The following LCORL variants were observed in gnomAD, a reference collection of about 807,000 sequenced individuals.
The protein encoded by LCORL is ligand dependent nuclear receptor corepressor like, also known as ligand-dependent nuclear receptor corepressor-like protein.
A neutral mutation model predicts 141.8 loss-of-function variants in LCORL; 41 were observed. The ratio of observed to expected loss-of-function variants is 0.29; its 90% CI spans 0.23 to 0.38. The LOEUF is 0.38. LCORL is among the 10% of genes least tolerant of loss of function. The pLI is 1.00. For synonymous variants in LCORL, 618 were observed against 694.1 expected (o/e 0.89, Z 1.72); for missense variants, 1,759 against 2,035.0 (o/e 0.86, Z 2.61).
intron 1 of LCORL, among the ~76,000 whole-genome samples, chr4:18,007,254 CCTGT>C (rs1215727503): frequency 6.6e-6 from 1 of 152,054 alleles, no homozygotes; most frequent in African/African-American, 2.4e-5. Flanking sequence ...AAATATAGTT[CCTGT>C]CTTATAAGAC....
rs186626951 is a variant in LCORL at position 18,004,904 on chromosome 4, G to A, written c.154+16694C>T. ...GGGGCTACAGGCCCCATGCAAATCCGAAATCCAGCAGGGCAGTCAAAGCTT... is the reference window on the plus strand; with the variant it reads ...GGGGCTACAGGCCCCATGCAAATCCAAAATCCAGCAGGGCAGTCAAAGCTT... On this transcript the variant is annotated intron_variant, in intron 1 of 7. Transcript: ENST00000635767. 3.8e-3 allele frequency among the ~76,000 whole-genome samples: 573 copies of A among 151,794 alleles called. 5 individuals carry two copies. The highest frequency in any genetic ancestry group is 7.9e-3 in the Admixed American group (121 of 15,252).
chr4:17,908,137 A>T (rs1731952142), intron 5 of LCORL, among the ~76,000 whole-genome samples: 1 of 151,482 alleles, frequency 6.6e-6, no homozygotes. Context: ...GATTCAAGCA[A>T]CTCTCCCGCC....
At chr4:17,913,911 T>C (rs1293092096) in intron 4 of LCORL, among the ~76,000 whole-genome samples, 2 of 152,246 alleles carry the variant, frequency 1.3e-5, no homozygotes, top group Non-Finnish European at 2.9e-5. Flanking sequence ...GTGTCTTGAA[T>C]TGGATGGAGC....
intron 4 of LCORL, among the ~76,000 whole-genome samples, chr4:17,938,116 C>T (rs1395652090): frequency 1.3e-5 from 2 of 151,134 alleles, no homozygotes; most frequent in South Asian, 2.1e-4. Context: ...AGCAATTCTC[C>T]GGCCTCAGCC....
At chr4:17,861,835 G>T (rs6836940) in intron 7 of LCORL, among the ~76,000 whole-genome samples, 29,771 of 152,112 alleles carry the variant, frequency 0.2, 3,356 homozygotes, top group African/African-American at 0.31. Flanking sequence ...TAGGGCAGGG[G>T]CAAAATGTTG....
exon 8 of LCORL, chr4:17,844,260 T>C (rs1414297800): frequency 6.6e-6 from 1 of 152,436 alleles, no homozygotes; most frequent in Non-Finnish European, 1.5e-5. Context: ...AAATTGACAC[T>C]TGGCCTGACT....
In LCORL at chr4:17,842,580, T is replaced by TA. The variant is rs1722519611; in HGVS notation, c.*3307dup. ...TTACGGCGTGTTTGCTTTTGCCTAT[T>TA]AGCTGGCATGGTCTTTAGTACTATC... On this transcript the variant is annotated 3_prime_UTR_variant, in exon 8 of 8. Transcript: ENST00000635767. 39 of 531,152 alleles carry TA rather than the reference T, an allele frequency of 7.3e-5. 2 individuals carry two copies. The East Asian group carries it at 1.2e-3, about 17-fold the overall frequency. 32.9% of individuals were successfully genotyped at this position (531,152 alleles called of 1,614,324 possible). A position where few individuals can be genotyped will look rare whatever the true frequency, so the allele number is the denominator to read the frequency against.
exon 8 of LCORL, chr4:17,843,655 G>A: frequency 2.9e-6 from 1 of 339,034 alleles, no homozygotes; most frequent in Non-Finnish European, 5.6e-6. Flanking sequence ...AATCTGAGGT[G>A]GGCCTAGGAA....
chr4:17,909,763 G>A (rs556786291), intron 4 of LCORL, among the ~76,000 whole-genome samples: 3 of 151,928 alleles, frequency 2.0e-5, no homozygotes, highest in East Asian at 1.9e-4. Flanking sequence ...CTAGGAAAAC[G>A]TCTAAATTCT....
At chr4:17,974,166 T>C (rs1716503694) in intron 1 of LCORL, among the ~76,000 whole-genome samples, 1 of 152,112 alleles carries the variant, frequency 6.6e-6, no homozygotes, top group Non-Finnish European at 1.5e-5. Flanking sequence ...ATCAACGTGC[T>C]TCAGAAATAT....
At chr4:17,847,820 CAA>C (rs1205507785) in intron 7 of LCORL, among the ~76,000 whole-genome samples, 3 of 151,984 alleles carry the variant, frequency 2.0e-5, no homozygotes, top group African/African-American at 7.2e-5. Flanking sequence ...ATTTTCAAAG[CAA>C]AAGTTTGATG....
intron 7 of LCORL, among the ~76,000 whole-genome samples, chr4:17,855,493 T>G (rs1363917466): frequency 6.6e-6 from 1 of 152,222 alleles, no homozygotes; most frequent in African/African-American, 2.4e-5. Flanking sequence ...CATAATCCTT[T>G]TTTTGATATA....
intron 1 of LCORL, among the ~76,000 whole-genome samples, chr4:18,004,701 G>A (rs536195217): frequency 4.3e-4 from 66 of 152,138 alleles, no homozygotes; most frequent in African/African-American, 1.3e-3. Context: ...CAGTCCCCCC[G>A]CAAAGTCATA....
chr4:18,003,752 T>C (rs1722353479), intron 1 of LCORL, among the ~76,000 whole-genome samples: 1 of 152,232 alleles, frequency 6.6e-6, no homozygotes, highest in African/African-American at 2.4e-5. Flanking sequence ...GACCTACAAT[T>C]TTGAAGCACG....
intron 5 of LCORL, among the ~76,000 whole-genome samples, chr4:17,904,073 A>C (rs1731267550): frequency 6.6e-6 from 1 of 152,048 alleles, no homozygotes; most frequent in East Asian, 1.9e-4. Context: ...TAAAACAATG[A>C]GTATATTCTT....
At chr4:17,976,014 TATC>T (rs1041126379) in intron 1 of LCORL, among the ~76,000 whole-genome samples, 6 of 152,214 alleles carry the variant, frequency 3.9e-5, no homozygotes, top group South Asian at 2.1e-4. Flanking sequence ...TGTGAATTGA[TATC>T]ATCATTATAA....
intron 1 of LCORL, among the ~76,000 whole-genome samples, chr4:18,003,548 C>T (rs1486830671): frequency 1.3e-5 from 2 of 152,128 alleles, no homozygotes; most frequent in Non-Finnish European, 2.9e-5. Context: ...GCAAAAGTAA[C>T]TGCAGTTTTT....
chr4:17,983,473 T>C (rs1718381519), intron 1 of LCORL, among the ~76,000 whole-genome samples: 1 of 152,206 alleles, frequency 6.6e-6, no homozygotes, highest in African/African-American at 2.4e-5. Flanking sequence ...ATTGTAGAGA[T>C]GTTTCACCTC....
chr4:18,006,473 G>A (rs902511716), intron 1 of LCORL, among the ~76,000 whole-genome samples: 3 of 151,948 alleles, frequency 2.0e-5, no homozygotes, highest in Admixed American at 2.0e-4. Flanking sequence ...CCACTCTACT[G>A]GTACCAATTT....
Sources: allele counts gnomAD v4.1 joint callset (sites outside exome capture counted in the v4.1 genomes callset), GRCh38; gene constraint gnomAD v4.1.1; transcripts MANE v1.5; gene names NCBI Gene and HGNC (gene_info 2026-07-23, HGNC 2026-07-21).